Variants in RNLS observed in about 807,000 individuals in gnomAD.
RNLS encodes renalase.
In RNLS, 39 loss-of-function variants were observed where a neutral mutation model predicts 39.8. The observed-to-expected ratio is 0.98, with a 90% CI of 0.76 to 1.28. The LOEUF (loss-of-function observed/expected upper bound fraction) is 1.28, where lower values mean the gene tolerates loss of function less well. RNLS is among the 50% of genes most tolerant of loss of function. RNLS has a pLI of 0.00. For missense variants in RNLS, 410 were observed against 413.3 expected (o/e 0.99, Z 0.07); for synonymous variants, 147 against 150.7 (o/e 0.98, Z 0.18).
At chr10:88,208,929 G>A in the RNLS span, among the ~76,000 whole-genome samples, 1 of 152,080 alleles carries the variant, frequency 6.6e-6, no homozygotes, top group African/African-American at 2.4e-5. Context: ...CCTCCCTCCC[G>A]TGTTTGTGGT....
chr10:88,251,666 A>C, the RNLS span, among the ~76,000 whole-genome samples: 6 of 152,226 alleles, frequency 3.9e-5, no homozygotes, highest in Admixed American at 3.3e-4. Context: ...CATGGCCAAC[A>C]CTACCACGTG....
intron 4 of RNLS, among the ~76,000 whole-genome samples, chr10:88,376,177 T>G (rs555664449): frequency 6.6e-6 from 1 of 152,206 alleles, no homozygotes; most frequent in East Asian, 1.9e-4. Context: ...TTGGGGGCTG[T>G]CTTTAGGAAG....
intron 4 of RNLS, among the ~76,000 whole-genome samples, chr10:88,379,300 T>C (rs1434395038): frequency 1.3e-5 from 2 of 152,216 alleles, no homozygotes; most frequent in Non-Finnish European, 2.9e-5. Flanking sequence ...TTAAGCAGAG[T>C]GTACAAAATA....
the RNLS span, among the ~76,000 whole-genome samples, chr10:88,214,890 C>G: frequency 6.6e-6 from 1 of 152,000 alleles, no homozygotes; most frequent in Non-Finnish European, 1.5e-5. Context: ...TGAAAGTAAG[C>G]AAAAATTGGT....
At chr10:88,459,716 T>A (rs1225591634) in intron 4 of RNLS, among the ~76,000 whole-genome samples, 1 of 152,186 alleles carries the variant, frequency 6.6e-6, no homozygotes, top group Non-Finnish European at 1.5e-5. Flanking sequence ...ACGGACAATG[T>A]GATGCTCCAT....
At chr10:88,174,789 A>T in the RNLS span, among the ~76,000 whole-genome samples, 1 of 152,164 alleles carries the variant, frequency 6.6e-6, no homozygotes, top group African/African-American at 2.4e-5. Flanking sequence ...AATTAGAAAG[A>T]ATTCCCTCCT....
At chr10:88,411,783 GGAA>G (rs951637063) in intron 4 of RNLS, among the ~76,000 whole-genome samples, 8 of 151,972 alleles carry the variant, frequency 5.3e-5, no homozygotes, top group African/African-American at 1.9e-4. Context: ...GTCTGTTTTG[GGAA>G]GAAGTAAGAA....
chr10:88,240,891 G>T, the RNLS span, among the ~76,000 whole-genome samples: 10 of 150,900 alleles, frequency 6.6e-5, no homozygotes, highest in East Asian at 1.9e-3. Context: ...ATTTAAACCA[G>T]TTGGCAAAGA....
chr10:88,471,472 T>C (rs532727990), intron 4 of RNLS, among the ~76,000 whole-genome samples: 3 of 152,150 alleles, frequency 2.0e-5, no homozygotes, highest in African/African-American at 7.2e-5. Flanking sequence ...TGGCTACCTT[T>C]TGGGGAAGGC....
intron 6 of RNLS, among the ~76,000 whole-genome samples, chr10:88,302,920 T>G (rs1844635270): frequency 6.6e-6 from 1 of 152,088 alleles, no homozygotes; most frequent in South Asian, 2.1e-4. Context: ...TGGCTCCCAC[T>G]GAGGGACCAA....
chr10:88,418,134 C>T (rs369356854), intron 4 of RNLS, among the ~76,000 whole-genome samples: 2 of 150,040 alleles, frequency 1.3e-5, no homozygotes, highest in African/African-American at 4.9e-5. Flanking sequence ...GAAACAGCCA[C>T]ATTTTTGCCT....
chr10:88,485,830 G>A (rs559464471), intron 4 of RNLS, among the ~76,000 whole-genome samples: 17 of 151,798 alleles, frequency 1.1e-4, no homozygotes, highest in African/African-American at 2.4e-4. Context: ...AGTACGCACC[G>A]ACTGAATGGA....
chr10:88,524,998 T>TAC lies in RNLS; in HGVS notation c.526+47903_526+47904dup, dbSNP rs1420465465. ...ATATATATATATATATATATATATA[T>TAC]ACACACACACACATACTATGTACCC... On this transcript the variant is annotated intron_variant, in intron 4 of 6. Coordinates refer to ENST00000331772, the MANE Select transcript of RNLS (RefSeq NM_001031709.3). 1.9e-3 allele frequency among the ~76,000 whole-genome samples: 195 copies of TAC among 104,434 alleles called. 4 individuals carry two copies. The highest frequency in any genetic ancestry group is 2.4e-3 in the African/African-American group (70 of 28,790). The allele number at this position is 104,434 out of a possible 152,430, so 68.5% of individuals were successfully genotyped here.
intron 6 of RNLS, among the ~76,000 whole-genome samples, chr10:88,309,110 A>AG (rs1488528464): frequency 6.6e-6 from 1 of 152,116 alleles, no homozygotes; most frequent in East Asian, 1.9e-4. Flanking sequence ...AATACACCCA[A>AG]GGGCCTATCA....
chr10:88,441,005 C>T (rs1361941182), intron 4 of RNLS, among the ~76,000 whole-genome samples: 1 of 152,114 alleles, frequency 6.6e-6, no homozygotes, highest in Non-Finnish European at 1.5e-5. Flanking sequence ...ACAAAAAAAT[C>T]CTTTTATGGA....
chr10:88,424,728 T>C (rs896469261), intron 4 of RNLS, among the ~76,000 whole-genome samples: 3 of 152,050 alleles, frequency 2.0e-5, no homozygotes, highest in Non-Finnish European at 4.4e-5. Flanking sequence ...TGATAGTAAA[T>C]ACACGATGAC....
In RNLS at chr10:88,343,784, C is replaced by T. The variant is rs944895627; in HGVS notation, c.700+18768G>A. 4.1e-6 allele frequency: 4 copies of T among 985,238 alleles called. No individual in the cohort carries two copies. In the South Asian group the frequency reaches 1.9e-4, roughly 46 times the overall value. The allele number at this position is 985,238 out of a possible 1,614,324, so 61.0% of individuals were successfully genotyped here. On this transcript the variant is annotated intron_variant, in intron 5 of 6. Transcript: ENST00000331772. ...TTATCCTGGGACACAAGGAGATTTT[C>T]AGTCTGTTGCAGCTTTTATTTGCAC...
intron 5 of RNLS, among the ~76,000 whole-genome samples, chr10:88,355,338 T>C (rs1257183380): frequency 2.0e-5 from 3 of 152,218 alleles, no homozygotes; most frequent in African/African-American, 7.2e-5. Context: ...TCCCCATCTT[T>C]GCAGTTTTAT....
chr10:88,427,449 A>T (rs1420273644), intron 4 of RNLS, among the ~76,000 whole-genome samples: 2 of 152,034 alleles, frequency 1.3e-5, no homozygotes, highest in African/African-American at 4.8e-5. Context: ...TCCAATATCT[A>T]ATATTTGCAT....
Sources: allele counts gnomAD v4.1 joint callset (sites outside exome capture counted in the v4.1 genomes callset), GRCh38; gene constraint gnomAD v4.1.1; transcripts MANE v1.5; gene names NCBI Gene and HGNC (gene_info 2026-07-23, HGNC 2026-07-21).